The following SLC35F1 variants were observed in gnomAD, a reference collection of about 807,000 sequenced individuals.
SLC35F1 encodes chromosome 6 open reading frame 169.
SLC35F1 carries 14 observed loss-of-function variants against 48.7 expected under a neutral mutation model. The observed-to-expected ratio is 0.29, with a 90% CI of 0.19 to 0.45. SLC35F1 has a LOEUF of 0.45. Ranked by LOEUF, SLC35F1 falls within the 20% of genes least tolerant of loss-of-function variation. SLC35F1 has a pLI of 1.00. For synonymous variants in SLC35F1, 190 were observed against 202.2 expected (o/e 0.94, Z 0.51); for missense variants, 404 against 500.0 (o/e 0.81, Z 1.83).
chr6:118,005,091 T>G, intron 1 of SLC35F1, among the ~76,000 whole-genome samples: 1 of 151,278 alleles, frequency 6.6e-6, no homozygotes, highest in African/African-American at 2.4e-5. Context: ...CCAGAGGAGG[T>G]CTTACAGAAA....
chr6:118,011,119 C>T (rs750166814), intron 1 of SLC35F1, among the ~76,000 whole-genome samples: 28 of 152,096 alleles, frequency 1.8e-4, no homozygotes, highest in Non-Finnish European at 3.7e-4. Context: ...ACAGTTTTTC[C>T]ACGGATGGTG....
intron 4 of SLC35F1, among the ~76,000 whole-genome samples, chr6:118,271,705 A>G (rs1385551468): frequency 6.6e-6 from 1 of 152,206 alleles, no homozygotes; most frequent in African/African-American, 2.4e-5. Context: ...TAGTACTTAA[A>G]CAAAAATCGG....
chr6:117,911,425 C>CCCTT (rs1195699234), intron 1 of SLC35F1, among the ~76,000 whole-genome samples: 116 of 122,518 alleles, frequency 9.5e-4, no homozygotes, highest in Non-Finnish European at 1.3e-3. Flanking sequence ...CTCCCTCCCT[C>CCCTT]CCTTCCTTCC....
chr6:118,313,970 TA>T, intron 7 of SLC35F1, 57 bp from the exon 8 acceptor site: 1 of 1,511,102 alleles, frequency 6.6e-7, no homozygotes. Flanking sequence ...TGTGCCTCAT[TA>T]ATGTGTCAGT....
intron 2 of SLC35F1, among the ~76,000 whole-genome samples, chr6:118,199,141 G>C (rs1040108018): frequency 6.6e-6 from 1 of 152,154 alleles, no homozygotes; most frequent in Non-Finnish European, 1.5e-5. Context: ...AAGTATTGTA[G>C]GACATCCTGT....
chr6:118,008,448 A>G lies in SLC35F1; in HGVS notation c.173+100549A>G, dbSNP rs550725032. ...CATTGATATGTTGGGGTCAATATTT[A>G]AATTAATTTCAGGTTTGATGTTTAC... is the stretch of plus-strand genomic sequence containing the variant. On this transcript the variant is annotated intron_variant, in intron 1 of 7. Coordinates refer to ENST00000360388, the MANE Select transcript of SLC35F1 (RefSeq NM_001029858.4). 2.0e-5 allele frequency among the ~76,000 whole-genome samples: 3 copies of G among 152,252 alleles called. No homozygotes were observed. The South Asian group carries it at 6.2e-4, about 32-fold the overall frequency.
intron 1 of SLC35F1, among the ~76,000 whole-genome samples, chr6:118,030,623 G>A (rs1772031530): frequency 6.6e-6 from 1 of 152,084 alleles, no homozygotes; most frequent in South Asian, 2.1e-4. Flanking sequence ...TTGGGGGTGG[G>A]GAGATGGGAG....
intron 2 of SLC35F1, among the ~76,000 whole-genome samples, chr6:118,197,531 T>A (rs1774818632): frequency 6.6e-6 from 1 of 152,226 alleles, no homozygotes. Context: ...TTTCCCTATC[T>A]GATTCCAGGA....
chr6:118,007,842 C>T lies in SLC35F1; in HGVS notation c.173+99943C>T, dbSNP rs547948867. On this transcript the variant is annotated intron_variant, in intron 1 of 7. Transcript: ENST00000360388. ...GAGAATTCAGTTTTAGGTTGAGCTG[C>T]AGTTCTTGTCTGCAGGTGGGGCTGC... Among the ~76,000 whole-genome samples, 10 of 152,194 alleles carry T rather than the reference C, an allele frequency of 6.6e-5. No homozygotes were observed. In the South Asian group the frequency reaches 2.1e-3, roughly 32 times the overall value.
chr6:117,911,519 T>G (rs1311252070), intron 1 of SLC35F1, among the ~76,000 whole-genome samples: 1 of 151,298 alleles, frequency 6.6e-6, no homozygotes, highest in East Asian at 1.9e-4. Flanking sequence ...TATTGCAGCC[T>G]TGACTTCCTG....
chr6:117,924,493 CATATGTATATACGTATATACAT>C lies in SLC35F1; in HGVS notation c.173+16599_173+16620del, dbSNP rs1217404605. Among the ~76,000 whole-genome samples the C allele has an allele frequency of 5.1e-3, 117 of 22,976 alleles. 4 individuals carry two copies. The highest frequency in any genetic ancestry group is 6.5e-3 in the African/African-American group (83 of 12,740). The allele number at this position is 22,976 out of a possible 152,430, so 15.1% of individuals were successfully genotyped here. A position where few individuals can be genotyped will look rare whatever the true frequency, so the allele number is the denominator to read the frequency against. ...ATATACATATGTATATACGTATATA[CATATGTATATACGTATATACAT>C]ATATATATGTCAAGTTCCATTCTGT... On this transcript the variant is annotated intron_variant, in intron 1 of 7. Coordinates refer to ENST00000360388, the MANE Select transcript of SLC35F1 (RefSeq NM_001029858.4).
chr6:118,242,531 T>C (rs750813597), intron 3 of SLC35F1, among the ~76,000 whole-genome samples: 8 of 152,208 alleles, frequency 5.3e-5, no homozygotes, highest in Non-Finnish European at 8.8e-5. Context: ...AAGGATTTTA[T>C]TCTAAAGATG....
intron 1 of SLC35F1, among the ~76,000 whole-genome samples, chr6:118,006,097 A>G (rs9969107): frequency 0.01 from 1,569 of 152,332 alleles, 24 homozygotes; most frequent in African/African-American, 0.036. Context: ...AGTACTTAGC[A>G]TAATCCATGA....
chr6:118,104,843 C>T (rs1192804458), intron 1 of SLC35F1, among the ~76,000 whole-genome samples: 1 of 152,150 alleles, frequency 6.6e-6, no homozygotes, highest in African/African-American at 2.4e-5. Context: ...AACTCCCTCC[C>T]TCCAAGTCCA....
intron 1 of SLC35F1, among the ~76,000 whole-genome samples, chr6:117,997,620 C>T (rs1390756488): frequency 6.6e-6 from 1 of 152,160 alleles, no homozygotes; most frequent in African/African-American, 2.4e-5. Context: ...GGCCAATATT[C>T]AACATTCTTA....
At chr6:118,039,800 T>TTTTTTG (rs1562271549) in intron 1 of SLC35F1, among the ~76,000 whole-genome samples, 2 of 83,284 alleles carry the variant, frequency 2.4e-5, no homozygotes, top group African/African-American at 7.2e-5. Flanking sequence ...CTCAGGATTG[T>TTTTTTG]TTTTTTTGTT....
chr6:118,241,712 T>C, intron 3 of SLC35F1, among the ~76,000 whole-genome samples: 1 of 152,146 alleles, frequency 6.6e-6, no homozygotes, highest in Non-Finnish European at 1.5e-5. Flanking sequence ...CCCTTGGAGC[T>C]ACCCCTGTGA....
intron 4 of SLC35F1, among the ~76,000 whole-genome samples, chr6:118,267,591 A>G (rs2114621204): frequency 6.6e-6 from 1 of 152,264 alleles, no homozygotes; most frequent in Admixed American, 6.5e-5. Context: ...GTCAAGCCAG[A>G]GAAAGACTGA....
rs549104996 is a variant in SLC35F1 at position 118,002,950 on chromosome 6, C to T, written c.173+95051C>T. Among the ~76,000 whole-genome samples, 12 of 152,234 alleles carry T rather than the reference C, an allele frequency of 7.9e-5. No individual in the cohort carries two copies. In the South Asian group the frequency reaches 2.5e-3, roughly 32 times the overall value. ...TGTGCATTCTCAAGGGTTACTTCACCTCTTTACACCTCCCTGTGGCTATGA... is the reference window on the plus strand; with the variant it reads ...TGTGCATTCTCAAGGGTTACTTCACTTCTTTACACCTCCCTGTGGCTATGA... On this transcript the variant is annotated intron_variant, in intron 1 of 7. Coordinates refer to ENST00000360388, the MANE Select transcript of SLC35F1 (RefSeq NM_001029858.4).
Sources: gnomAD v4.1 joint callset for allele counts (sites outside exome capture counted in the v4.1 genomes callset) on GRCh38, gnomAD v4.1.1 for gene constraint, MANE v1.5 for transcripts, NCBI Gene and HGNC (gene_info 2026-07-23, HGNC 2026-07-21) for gene names.